The following IL1A variants were observed in gnomAD, a reference collection of about 807,000 sequenced individuals.
IL1A encodes interleukin-1 alpha.
In IL1A, 16 loss-of-function variants were observed where a neutral mutation model predicts 22.2. The ratio of observed to expected loss-of-function variants is 0.72; its 90% confidence interval spans 0.49 to 1.09. The LOEUF is 1.09. Among genes scored for constraint, IL1A ranks in the 50% least tolerant of loss-of-function variants. The pLI, the probability that IL1A is intolerant of heterozygous loss-of-function variation, is 0.00. For synonymous variants in IL1A, 113 were observed against 118.5 expected, an observed-to-expected ratio of 0.95 and a Z score of 0.30; for missense variants, 317 against 321.8, an observed-to-expected ratio of 0.99 and a Z score of 0.11.
At chr2:112,775,347 C>T in intron 6 of IL1A, 80 bp from the exon 7 acceptor site, 2 of 1,141,582 alleles carry the variant, frequency 1.8e-6, no homozygotes, top group Non-Finnish European at 2.6e-6. Flanking sequence ...AGCATTTGGC[C>T]TTCATGAGAA....
intron 4 of IL1A, among the ~76,000 whole-genome samples, 159 bp downstream of exon 4, chr2:112,781,445 G>A (rs1311583010): frequency 1.3e-5 from 2 of 152,176 alleles, no homozygotes; most frequent in Admixed American, 6.5e-5. Context: ...TCTCCCTCCT[G>A]GAGAAGGATA....
rs1681053771 is a variant in IL1A, at chr2:112,774,094, G to T, written c.*973C>A. 6.6e-6 allele frequency: 1 copy of T among 151,784 alleles called. No individual in the cohort carries two copies. Among genetic ancestry groups the T allele is most frequent in the Non-Finnish European group, 1.5e-5 (1 of 67,998 alleles). 9.4% of individuals were successfully genotyped at this position (151,784 alleles called of 1,614,324 possible). The stretch of plus-strand genomic sequence containing the variant: ...CAGTGGTCTCATGGTTGTCAAAGTT[G>T]AGTTCATCTAATTTTAGCTTGTAGG... On this transcript the variant is annotated 3_prime_UTR_variant, in exon 7 of 7. Transcript: ENST00000263339.
At chr2:112,782,882 A>G (rs1681239007) in intron 2 of IL1A, 118 bp from the exon 3 acceptor site, 3 of 691,124 alleles carry the variant, frequency 4.3e-6, no homozygotes, top group Non-Finnish European at 7.7e-6. Context: ...CATTACTGTC[A>G]TCTTTGAAAT....
intron 5 of IL1A, 85 bp downstream of exon 5, chr2:112,779,411 T>A: frequency 1.7e-6 from 2 of 1,165,716 alleles, no homozygotes; most frequent in Non-Finnish European, 2.4e-6. Context: ...GGTATGTTTT[T>A]TGCAAGCAGA....
chr2:112,781,478 GT>G, intron 4 of IL1A, 125 bp downstream of exon 4: 1 of 781,104 alleles, frequency 1.3e-6, no homozygotes, highest in Non-Finnish European at 2.2e-6. Context: ...CCTCTGTATA[GT>G]TACCAGACTA....
In IL1A at chr2:112,781,645, G is replaced by A. The variant is rs776161770; in HGVS notation, c.278C>T (p.Thr93Ile). The change falls in exon 4 of 7, where the codon ACT becomes ATT. Residue 93 changes from threonine (T) to isoleucine (I), a missense_variant. By Grantham distance (89) the Thr-to-Ile change is moderately conservative. Transcript: ENST00000263339. ...KRRLSLSQSI[T>I]DDDLEAIAND... The stretch of plus-strand genomic sequence containing the variant: ...GGCGATGGCCTCCAGGTCATCATCA[G>A]TGATGGATTGGCTTAAACTCAACCG... 3 of 1,614,184 alleles carry A rather than the reference G, an allele frequency of 1.9e-6. No individual in the cohort carries two copies. Among genetic ancestry groups the A allele is most frequent in the African/African-American group, 1.3e-5 (1 of 75,042 alleles).
chr2:112,782,582 G>A, intron 3 of IL1A, 134 bp downstream of exon 3: 1 of 657,202 alleles, frequency 1.5e-6, no homozygotes, highest in Middle Eastern at 2.6e-4. Flanking sequence ...CACTTATAAT[G>A]AAAGACAGGT....
At chr2:112,778,326 AG>A (rs1193439125) in intron 5 of IL1A, among the ~76,000 whole-genome samples, 1 of 151,986 alleles carries the variant, frequency 6.6e-6, no homozygotes, top group African/African-American at 2.4e-5. Context: ...CACACTCACT[AG>A]GCAGGTAAAT....
intron 5 of IL1A, among the ~76,000 whole-genome samples, chr2:112,778,918 T>G (rs1681147163): frequency 6.6e-6 from 1 of 152,200 alleles, no homozygotes; most frequent in South Asian, 2.1e-4. Context: ...CCTTTGAAAA[T>G]ATGTATACTG....
intron 3 of IL1A, among the ~76,000 whole-genome samples, chr2:112,782,157 A>G (rs1296291374): frequency 1.3e-5 from 2 of 152,262 alleles, no homozygotes; most frequent in Non-Finnish European, 2.9e-5. Flanking sequence ...CTGCTTAACA[A>G]TGCTCAAAAT....
intron 1 of IL1A, among the ~76,000 whole-genome samples, chr2:112,784,175 C>T (rs1042196984): frequency 6.6e-6 from 1 of 152,226 alleles, no homozygotes; most frequent in African/African-American, 2.4e-5. Flanking sequence ...GAGATTCCCT[C>T]CCATGAGAAG....
intron 5 of IL1A, 105 bp downstream of exon 5, chr2:112,779,391 A>C (rs535680960): frequency 3.2e-6 from 3 of 934,774 alleles, no homozygotes; most frequent in Middle Eastern, 2.4e-4. Context: ...GCAACCCAGA[A>C]CTCTGAAGAG....
At position 112,774,024 on chromosome 2, in the gene IL1A, C is replaced by G. The variant is rs1260156542; in HGVS notation, c.*1043G>C. ...ATGGTCTGATCACAATTTTTAGAAC[C>G]TAGAAGAAACATTGATTACATTCCA... On this transcript the variant is annotated 3_prime_UTR_variant, in exon 7 of 7. Coordinates refer to ENST00000263339, the MANE Select transcript of IL1A (RefSeq NM_000575.5). The G allele has an allele frequency of 6.6e-6, 1 of 152,098 alleles. No homozygotes were observed. Among genetic ancestry groups the G allele is most frequent in the Non-Finnish European group, 1.5e-5 (1 of 68,022 alleles). The allele number at this position is 152,098 out of a possible 1,614,324, so 9.4% of individuals were successfully genotyped here.
intron 4 of IL1A, 89 bp downstream of exon 4, chr2:112,781,515 T>C (rs1212950877): frequency 1.0e-6 from 1 of 1,002,078 alleles, no homozygotes; most frequent in African/African-American, 1.6e-5. Context: ...CTTGTTATTC[T>C]GACTCCACGT....
At position 112,778,943 on chromosome 2, in the gene IL1A, T is replaced by TG. The variant is rs3783584; in HGVS notation, c.490+552dup. On this transcript the variant is annotated intron_variant, in intron 5 of 6. Coordinates refer to ENST00000263339, the MANE Select transcript of IL1A (RefSeq NM_000575.5). Reference sequence around the variant, plus strand: ...TATGTATACTGTTGAAACTAAAACATGTCCGCCATGAAAATTGGATGTGTG... The same window carrying TG: ...TATGTATACTGTTGAAACTAAAACATGGTCCGCCATGAAAATTGGATGTGTG... Among the ~76,000 whole-genome samples the TG allele has an allele frequency of 6.9e-3, 1,051 of 152,324 alleles. 16 individuals carry two copies. Among genetic ancestry groups the TG allele is most frequent in the African/African-American group, 0.024 (1,000 of 41,558 alleles).
chr2:112,779,597 A>G lies in IL1A; in HGVS notation c.389T>C (p.Ile130Thr). 3.7e-6 allele frequency: 6 copies of G among 1,613,294 alleles called. No individual in the cohort carries two copies. The highest frequency in any genetic ancestry group is 4.5e-5 in the East Asian group (2 of 44,870). Reference sequence around the variant, plus strand: ...GTCATTCAGGATGAATTCGTATTTGATGATCCTCATAAAGTTGTATTTCAC... The same window carrying G: ...GTCATTCAGGATGAATTCGTATTTGGTGATCCTCATAAAGTTGTATTTCAC... ...SNVKYNFMRIIKYEFILNDAL... is the reference protein window; with the variant it reads ...SNVKYNFMRITKYEFILNDAL... Residue 130 changes from isoleucine (I) to threonine (T), a missense_variant, in exon 5 of 7, where the codon ATC becomes ACC. By Grantham distance (89) the Ile-to-Thr change is moderately conservative. Transcript: ENST00000263339.
chr2:112,780,559 A>G (rs1378870236), intron 4 of IL1A, among the ~76,000 whole-genome samples: 2 of 152,214 alleles, frequency 1.3e-5, no homozygotes, highest in Non-Finnish European at 2.9e-5. Context: ...GTAGAACTGA[A>G]TTAGATTTGA....
intron 2 of IL1A, among the ~76,000 whole-genome samples, chr2:112,783,068 G>T (rs1394546896): frequency 1.3e-5 from 2 of 152,214 alleles, no homozygotes; most frequent in African/African-American, 4.8e-5. Flanking sequence ...AGCTCCTTTA[G>T]AGAAAAGAAA....
In IL1A at chr2:112,774,955, A is replaced by G. The variant is rs902071939; in HGVS notation, c.*112T>C. ...GTGTAAACATTCATTTAGAATTACA[A>G]GGCTCAGTACATGCTCAGCAAATGA... is the stretch of plus-strand genomic sequence containing the variant. On this transcript the variant is annotated 3_prime_UTR_variant, in exon 7 of 7. Transcript: ENST00000263339. 7 of 744,256 alleles carry G rather than the reference A, an allele frequency of 9.4e-6. No individual in the cohort carries two copies. Among genetic ancestry groups the G allele is most frequent in the Non-Finnish European group, 1.6e-5 (7 of 439,312 alleles). 46.1% of individuals were successfully genotyped at this position (744,256 alleles called of 1,614,324 possible). A position where few individuals can be genotyped will look rare whatever the true frequency, so the allele number is the denominator to read the frequency against.
Sources: allele counts gnomAD v4.1 joint callset (sites outside exome capture counted in the v4.1 genomes callset), GRCh38; gene constraint gnomAD v4.1.1; transcripts MANE v1.5; gene names NCBI Gene and HGNC (gene_info 2026-07-23, HGNC 2026-07-21).